AFAP1: variants seen among roughly 807,000 people sequenced by gnomAD.
AFAP1 encodes actin filament associated protein 1.
AFAP1 carries 75 observed loss-of-function variants against 93.9 expected under a neutral mutation model. The observed-to-expected ratio is 0.80, with a 90% CI of 0.66 to 0.97. AFAP1 has a LOEUF of 0.97. AFAP1 is among the 50% of genes least tolerant of loss of function. The probability of loss-of-function intolerance (pLI) is 0.00; values close to 1 mark genes in which losing one functional copy is unlikely to be tolerated. For missense variants in AFAP1, 1,201 were observed against 1,050.8 expected, an observed-to-expected ratio of 1.14 and a Z score of -1.98; for synonymous variants, 517 against 430.7, an observed-to-expected ratio of 1.20 and a Z score of -2.48.
intron 1 of AFAP1, among the ~76,000 whole-genome samples, chr4:7,894,210 A>T (rs917094413): frequency 1.3e-5 from 2 of 152,180 alleles, no homozygotes; most frequent in Non-Finnish European, 2.9e-5. Context: ...TATTTTTGTC[A>T]ATAATGTTTT....
chr4:7,793,997 G>C (rs1178273863), intron 10 of AFAP1, among the ~76,000 whole-genome samples, 171 bp from the exon 11 acceptor site: 1 of 152,200 alleles, frequency 6.6e-6, no homozygotes, highest in African/African-American at 2.4e-5. Flanking sequence ...GTTCGCAGCA[G>C]GCCTTAATTT....
At chr4:7,848,212 AGGGAGG>A (rs751205180) in intron 4 of AFAP1, among the ~76,000 whole-genome samples, 28,362 of 61,228 alleles carry the variant, frequency 0.46, 4,662 homozygotes, top group African/African-American at 0.56. Context: ...CAAGGGAGGG[AGGGAGG>A]GAGGGAGGGA....
chr4:7,844,437 C>A (rs954323859), intron 4 of AFAP1, among the ~76,000 whole-genome samples: 3 of 152,174 alleles, frequency 2.0e-5, no homozygotes, highest in African/African-American at 7.2e-5. Context: ...TGGAAGCCCC[C>A]CAGTGGTGGC....
chr4:7,921,042 T>G (rs1253418334), intron 1 of AFAP1, among the ~76,000 whole-genome samples: 3 of 151,842 alleles, frequency 2.0e-5, no homozygotes, highest in Non-Finnish European at 4.4e-5. Context: ...AATACCAGTT[T>G]GCCTCCAAAG....
chr4:7,784,338 C>T (rs995538112), intron 12 of AFAP1, among the ~76,000 whole-genome samples: 1 of 152,124 alleles, frequency 6.6e-6, no homozygotes, highest in Non-Finnish European at 1.5e-5. Context: ...GACCTACAAG[C>T]GGGCCCTGCC....
chr4:7,843,576 T>C (rs1276151157), intron 4 of AFAP1, among the ~76,000 whole-genome samples: 1 of 152,190 alleles, frequency 6.6e-6, no homozygotes, highest in Middle Eastern at 3.2e-3. Flanking sequence ...AAATTCTGTG[T>C]TTATAAAAAC....
chr4:7,872,185 G>T, intron 1 of AFAP1, 105 bp from the exon 2 acceptor site: 1 of 1,428,084 alleles, frequency 7.0e-7, no homozygotes, highest in Non-Finnish European at 9.5e-7. Flanking sequence ...CTTGATCATT[G>T]GATATAGTAT....
chr4:7,858,056 A>G (rs899564880), intron 3 of AFAP1, among the ~76,000 whole-genome samples: 6 of 152,256 alleles, frequency 3.9e-5, no homozygotes, highest in East Asian at 3.8e-4. Flanking sequence ...TAAATTTTCA[A>G]GAGAAGAATG....
chr4:7,790,580 T>C (rs544430782), intron 11 of AFAP1, among the ~76,000 whole-genome samples: 27 of 152,312 alleles, frequency 1.8e-4, no homozygotes, highest in African/African-American at 6.0e-4. Flanking sequence ...CAAATAAATA[T>C]AGTGAACAAC....
intron 1 of AFAP1, among the ~76,000 whole-genome samples, chr4:7,897,814 G>A (rs1030580582): frequency 2.6e-5 from 4 of 152,054 alleles, no homozygotes; most frequent in African/African-American, 9.7e-5. Flanking sequence ...GGAATTACAG[G>A]CATGAGCCAC....
Position 7,932,227 on chromosome 4 carries a change from C to CT in AFAP1, c.-3+7428dup, listed in dbSNP as rs1721109866. The stretch of plus-strand genomic sequence containing the variant: ...GTCATTTATTGCACAGGAAAAAAAA[C>CT]TTCATAAAAAAAAATCAAAAACACC... On this transcript the variant is annotated intron_variant, in intron 1 of 17. Coordinates refer to ENST00000420658, the MANE Select transcript of AFAP1 (RefSeq NM_001134647.2). Among the ~76,000 whole-genome samples, 9 of 141,442 alleles carry CT rather than the reference C, an allele frequency of 6.4e-5. No homozygotes were observed. The South Asian group carries it at 2.2e-3, about 35-fold the overall frequency. The allele number at this position is 141,442 out of a possible 152,430, so 92.8% of individuals were successfully genotyped here.
intron 5 of AFAP1, chr4:7,842,898 T>C: frequency 2.0e-6 from 1 of 511,122 alleles, no homozygotes; most frequent in Non-Finnish European, 3.5e-6. Context: ...GGGAATGATT[T>C]TGTTCGCTGG....
chr4:7,806,629 T>C (rs1452967769), intron 9 of AFAP1, among the ~76,000 whole-genome samples: 1 of 152,104 alleles, frequency 6.6e-6, no homozygotes, highest in African/African-American at 2.4e-5. Context: ...GCCTGAAACT[T>C]TGCAGCTGTA....
In AFAP1 at chr4:7,793,721, T is replaced by A. The variant is rs1718114185; in HGVS notation, c.1372A>T (p.Met458Leu). ...GCTGTCTGAATGACACTTGCAGACA[T>A]CTCCACATCAATGTAGTCATAGTGC... Reference protein sequence around the residue: ...ALHYDYIDVEMSASVIQTAKQ... With the variant: ...ALHYDYIDVELSASVIQTAKQ... The change falls in exon 11 of 18, where the codon ATG becomes TTG. Residue 458 changes from methionine to leucine, a missense_variant. Physicochemically the swap from Met to Leu is conservative, Grantham distance 15. Transcript: ENST00000420658. 6 of 1,576,412 alleles carry A rather than the reference T, an allele frequency of 3.8e-6. No individual in the cohort carries two copies. Among genetic ancestry groups the A allele is most frequent in the Non-Finnish European group, 5.2e-6 (6 of 1,150,912 alleles).
intron 4 of AFAP1, among the ~76,000 whole-genome samples, chr4:7,850,091 C>T (rs1174162239): frequency 5.3e-5 from 8 of 152,114 alleles, no homozygotes; most frequent in African/African-American, 1.9e-4. Context: ...GAGCAGAGAT[C>T]TGACTTATGT....
intron 1 of AFAP1, among the ~76,000 whole-genome samples, chr4:7,886,236 T>C (rs1472374838): frequency 6.6e-6 from 1 of 152,238 alleles, no homozygotes; most frequent in Non-Finnish European, 1.5e-5. Flanking sequence ...GTGGGGATAA[T>C]AACAGTTATG....
intron 5 of AFAP1, 131 bp from the exon 6 acceptor site, chr4:7,838,834 T>TCACACA (rs113955695): frequency 1.4e-4 from 107 of 744,888 alleles, no homozygotes; most frequent in Middle Eastern, 7.6e-4. Context: ...ATGAGCAGGT[T>TCACACA]CACACACACA....
At chr4:7,826,750 C>T (rs971700252) in intron 6 of AFAP1, among the ~76,000 whole-genome samples, 1 of 152,200 alleles carries the variant, frequency 6.6e-6, no homozygotes, top group Non-Finnish European at 1.5e-5. Context: ...CGTGCAGCCC[C>T]TCCCCACCTG....
chr4:7,783,713 G>A (rs924458211), intron 12 of AFAP1, among the ~76,000 whole-genome samples: 2 of 152,216 alleles, frequency 1.3e-5, no homozygotes, highest in Admixed American at 1.3e-4. Context: ...CCTGTAGAGT[G>A]TCATAAAAGT....
Sources: gnomAD v4.1 joint callset for allele counts (sites outside exome capture counted in the v4.1 genomes callset) on GRCh38, gnomAD v4.1.1 for gene constraint, MANE v1.5 for transcripts, NCBI Gene and HGNC (gene_info 2026-07-23, HGNC 2026-07-21) for gene names.